Variants in ELOA observed in about 807,000 individuals in gnomAD.
The protein encoded by ELOA is elongin-A.
ELOA carries 15 observed loss-of-function variants against 85.2 expected under a neutral mutation model. That is an observed-to-expected ratio of 0.18 (90% CI 0.12 to 0.27). The LOEUF is 0.27. Among genes scored for constraint, ELOA ranks in the 10% least tolerant of loss-of-function variants. The probability of loss-of-function intolerance (pLI) is 1.00; values close to 1 mark genes in which losing one functional copy is unlikely to be tolerated. For missense variants in ELOA, 769 were observed against 952.7 expected, an observed-to-expected ratio of 0.81 and a Z score of 2.54; for synonymous variants, 348 against 357.2, an observed-to-expected ratio of 0.97 and a Z score of 0.29.
At chr1:23,743,644 G>C (rs1208781439) in intron 1 of ELOA, 66 bp downstream of exon 1, 2 of 1,391,854 alleles carry the variant, frequency 1.4e-6, no homozygotes, top group Non-Finnish European at 1.9e-6. Flanking sequence ...AACGGTCGCG[G>C]CCCGAGCGTG....
At position 23,751,686 on chromosome 1, in the gene ELOA, G is replaced by A; in HGVS notation, c.1081G>A (p.Val361Ile). Residue 361 changes from valine (V) to isoleucine (I), a missense_variant, in exon 4 of 11, where the codon GTA becomes ATA. Coordinates refer to ENST00000613537, the MANE Select transcript of ELOA (RefSeq NM_003198.3). ...GKGAGDLLPK[V>I]KEKGSNNLKT... ...AGGAGCAGGAGACCTGTTGCCCAAG[G>A]TAAAAGAGAAGGGTTCTAACAACCT... The A allele has an allele frequency of 6.2e-7, 1 of 1,614,164 alleles. No individual in the cohort carries two copies. Among genetic ancestry groups the A allele is most frequent in the Non-Finnish European group, 8.5e-7 (1 of 1,180,032 alleles).
chr1:23,757,315 T>C (rs1644798773), intron 10 of ELOA, among the ~76,000 whole-genome samples, 190 bp downstream of exon 10: 1 of 152,180 alleles, frequency 6.6e-6, no homozygotes, highest in Admixed American at 6.5e-5. Flanking sequence ...TCTTAAATAG[T>C]TATAGTGAGT....
chr1:23,759,903 A>G lies in ELOA; in HGVS notation c.*330A>G, dbSNP rs1638266887. On this transcript the variant is annotated 3_prime_UTR_variant, in exon 11 of 11. Coordinates refer to ENST00000613537, the MANE Select transcript of ELOA (RefSeq NM_003198.3). ...AATATTGCCCCCAGATTGTATTTAT[A>G]TTATCCCCCAGGTTTGTTTTTGTTT... 1 of 270,408 alleles carries G rather than the reference A, an allele frequency of 3.7e-6. No individual in the cohort carries two copies. The highest frequency in any genetic ancestry group is 9.3e-5 in the East Asian group (1 of 10,732). 16.8% of individuals were successfully genotyped at this position (270,408 alleles called of 1,614,324 possible).
At chr1:23,749,762 C>A in intron 2 of ELOA, 80 bp from the exon 3 acceptor site, 1 of 1,245,130 alleles carries the variant, frequency 8.0e-7, no homozygotes, top group Non-Finnish European at 1.1e-6. Flanking sequence ...TTGAGTTTCT[C>A]AAAGTAGAAA....
chr1:23,757,811 GAAAAAA>G (rs575030502), intron 10 of ELOA, among the ~76,000 whole-genome samples: 1 of 108,450 alleles, frequency 9.2e-6, no homozygotes, highest in Non-Finnish European at 2.0e-5. Context: ...CCTGTCTCTG[GAAAAAA>G]AAAAAAAAAA....
rs1379997979 is a variant in ELOA, at chr1:23,758,251, ATTTATTTATTTTTTTTTTTTTTT to A, written c.2257+1130_2257+1152del. On this transcript the variant is annotated intron_variant, in intron 10 of 10. Transcript: ENST00000613537. ...TATATCTAATTGGGTCTTCCAATTT[ATTTATTTATTTTTTTTTTTTTTT>A]TTTTTTTTTTTTTTTTGGAGACAGA... is the stretch of plus-strand genomic sequence containing the variant. 2.0e-3 allele frequency among the ~76,000 whole-genome samples: 96 copies of A among 48,562 alleles called. 4 individuals carry two copies. Among genetic ancestry groups the A allele is most frequent in the African/African-American group, 2.2e-3 (24 of 11,074 alleles). 31.9% of individuals were successfully genotyped at this position (48,562 alleles called of 152,430 possible). A position where few individuals can be genotyped will look rare whatever the true frequency, so the allele number is the denominator to read the frequency against.
chr1:23,758,247 ATTTATTTATTTATTTTTT>A lies in ELOA; in HGVS notation c.2257+1126_2257+1143del, dbSNP rs1198510083. 8.6e-4 allele frequency among the ~76,000 whole-genome samples: 49 copies of A among 56,782 alleles called. 1 individual carries two copies. The highest frequency in any genetic ancestry group is 2.5e-3 in the African/African-American group (43 of 16,884). 37.3% of individuals were successfully genotyped at this position (56,782 alleles called of 152,430 possible). A position where few individuals can be genotyped will look rare whatever the true frequency, so the allele number is the denominator to read the frequency against. On this transcript the variant is annotated intron_variant, in intron 10 of 10. Coordinates refer to ENST00000613537, the MANE Select transcript of ELOA (RefSeq NM_003198.3). ...TCTTTATATCTAATTGGGTCTTCCA[ATTTATTTATTTATTTTTT>A]TTTTTTTTTTTTTTTTTTTTTTTTT...
chr1:23,752,607 A>G, intron 5 of ELOA, 89 bp downstream of exon 5: 1 of 1,357,714 alleles, frequency 7.4e-7, no homozygotes, highest in Non-Finnish European at 1.0e-6. Flanking sequence ...CTATAATTCC[A>G]GCACTTTGGG....
In ELOA at chr1:23,757,811, G is replaced by GAA. The variant is rs575030502; in HGVS notation, c.2257+704_2257+705dup. ...CTGTGCCCGGCCGACCCTGTCTCTGGAAAAAAAAAAAAAAAAAAAGTGAAA... is the reference window on the plus strand; with the variant it reads ...CTGTGCCCGGCCGACCCTGTCTCTGGAAAAAAAAAAAAAAAAAAAAAGTGAAA... On this transcript the variant is annotated intron_variant, in intron 10 of 10. Transcript: ENST00000613537. Among the ~76,000 whole-genome samples the GAA allele has an allele frequency of 3.1e-4, 34 of 108,430 alleles. 1 individual carries two copies. In the East Asian group the frequency reaches 5.6e-3, roughly 18 times the overall value. 71.1% of individuals were successfully genotyped at this position (108,430 alleles called of 152,430 possible). A position where few individuals can be genotyped will look rare whatever the true frequency, so the allele number is the denominator to read the frequency against.
chr1:23,753,043 G>C (rs959701712), intron 5 of ELOA, among the ~76,000 whole-genome samples: 1 of 152,152 alleles, frequency 6.6e-6, no homozygotes, highest in Non-Finnish European at 1.5e-5. Flanking sequence ...CCAGGTACTC[G>C]GTAGGCTGAG....
Position 23,749,921 on chromosome 1 carries a change from A to C in ELOA, c.212A>C (p.Gln71Pro). Residue 71 changes from glutamine (Q) to proline (P), a missense_variant, in exon 3 of 11, where the codon CAG (glutamine) becomes CCG (proline). By Grantham distance (76) the Gln-to-Pro change is moderately conservative. Coordinates refer to ENST00000613537, the MANE Select transcript of ELOA (RefSeq NM_003198.3). ...AGCTTTGCCAGGGACCTAGTGGCCC[A>C]GTGGAAGAAGCTGGTTCCTGTGGAA... Reference protein sequence around the residue: ...VGSFARDLVAQWKKLVPVERN... With the variant: ...VGSFARDLVAPWKKLVPVERN... 6.2e-7 allele frequency: 1 copy of C among 1,613,864 alleles called. No individual in the cohort carries two copies.
At chr1:23,743,732 C>T (rs1644733573) in intron 1 of ELOA, among the ~76,000 whole-genome samples, 154 bp downstream of exon 1, 3 of 152,100 alleles carry the variant, frequency 2.0e-5, no homozygotes, top group Non-Finnish European at 4.4e-5. Context: ...TGACCGCTGC[C>T]CGCGCGTTGG....
intron 10 of ELOA, among the ~76,000 whole-genome samples, chr1:23,758,259 ATTTTTTTTT>A (rs1162019928): frequency 8.6e-4 from 36 of 41,948 alleles, no homozygotes; most frequent in African/African-American, 3.0e-3. Context: ...TTATTTATTT[ATTTTTTTTT>A]TTTTTTTTTT....
At chr1:23,750,122 C>T (rs1644762422) in intron 3 of ELOA, among the ~76,000 whole-genome samples, 174 bp downstream of exon 3, 1 of 149,120 alleles carries the variant, frequency 6.7e-6, no homozygotes, top group African/African-American at 2.5e-5. Flanking sequence ...TCAAAATTTC[C>T]TATTTCTATC....
chr1:23,747,744 T>G (rs1437457242), intron 1 of ELOA, among the ~76,000 whole-genome samples: 1 of 152,242 alleles, frequency 6.6e-6, no homozygotes, highest in East Asian at 1.9e-4. Flanking sequence ...GATATGCCAC[T>G]TGGCCTCTTA....
chr1:23,747,102 T>C (rs1275053288), intron 1 of ELOA, among the ~76,000 whole-genome samples: 1 of 152,206 alleles, frequency 6.6e-6, no homozygotes, highest in East Asian at 1.9e-4. Flanking sequence ...CCACAGTGAC[T>C]TCCAGCCTCA....
At position 23,751,074 on chromosome 1, in the gene ELOA, A is replaced by G. The variant is rs1644768144; in HGVS notation, c.469A>G (p.Arg157Gly). 1 of 1,614,120 alleles carries G rather than the reference A, an allele frequency of 6.2e-7. No individual in the cohort carries two copies. The highest frequency in any genetic ancestry group is 1.3e-5 in the African/African-American group (1 of 75,044). ...HGHERRDERK[R>G]CHRMSPTYSS... ...TCATGAGAGGAGAGATGAGAGAAAG[A>G]GGTGTCACAGAATGTCACCAACTTA... Residue 157 changes from arginine (R) to glycine (G), a missense_variant, in exon 4 of 11, where the codon AGG (arginine) becomes GGG (glycine). Physicochemically the swap from Arg to Gly is moderately radical, Grantham distance 125 (BLOSUM62 -2). Transcript: ENST00000613537.
At chr1:23,758,597 A>G (rs907315123) in intron 10 of ELOA, among the ~76,000 whole-genome samples, 4 of 147,546 alleles carry the variant, frequency 2.7e-5, no homozygotes, top group Non-Finnish European at 3.0e-5. Context: ...TTTATTCTTT[A>G]TATCTAGTTG....
Position 23,754,197 on chromosome 1 carries a change from C to T in ELOA, c.1635C>T (p.Leu545=). The part of the protein sequence containing the change: ...QVYSGSKCAY[L]PKMMTLHQQC... Reference sequence around the variant, plus strand: ...ATTCTGGTTCCAAGTGTGCCTATCTCCCTAAAATGATGACCTTGCACCAGC... The same window carrying T: ...ATTCTGGTTCCAAGTGTGCCTATCTTCCTAAAATGATGACCTTGCACCAGC... Residue 545 remains leucine, a synonymous_variant, in exon 6 of 11, where the codon CTC becomes CTT. Coordinates refer to ENST00000613537, the MANE Select transcript of ELOA (RefSeq NM_003198.3). 1 of 1,614,186 alleles carries T rather than the reference C, an allele frequency of 6.2e-7. No homozygotes were observed.
Sources: gnomAD v4.1 joint callset for allele counts (sites outside exome capture counted in the v4.1 genomes callset) on GRCh38, gnomAD v4.1.1 for gene constraint, MANE v1.5 for transcripts, NCBI Gene and HGNC (gene_info 2026-07-23, HGNC 2026-07-21) for gene names.